The following COBL variants were observed in gnomAD, a reference collection of about 807,000 sequenced individuals.
COBL encodes protein cordon-bleu.
Under a neutral mutation model 98.8 loss-of-function variants are expected in COBL, and 51 were observed. The observed-to-expected ratio is 0.52, with a 90% CI of 0.41 to 0.65. COBL has a LOEUF of 0.65. Ranked by LOEUF, COBL falls within the 30% of genes least tolerant of loss-of-function variation. The probability of loss-of-function intolerance (pLI) is 0.00; values close to 1 mark genes in which losing one functional copy is unlikely to be tolerated. For synonymous variants in COBL, 634 were observed against 651.7 expected, an observed-to-expected ratio of 0.97 and a Z score of 0.41; for missense variants, 1,617 against 1,617.5, an observed-to-expected ratio of 1.00 and a Z score of 0.01.
Position 51,028,681 on chromosome 7 carries a change from G to A in COBL, c.2415C>T (p.Ser805=). The A allele has an allele frequency of 6.2e-7, 1 of 1,613,204 alleles. No homozygotes were observed. The highest frequency in any genetic ancestry group is 8.5e-7 in the Non-Finnish European group (1 of 1,179,546). ...PVPTQTQNPE[S]RLQADPKPIS... is the part of the protein sequence containing the mutation. ...TTGGCTTGGGGTCTGCTTGGAGTCT[G>A]CTCTCTGGATTCTGCGTCTGCGTGG... The change falls in exon 10 of 13, where the codon AGC becomes AGT. Residue 805 remains serine, a synonymous_variant. Transcript: ENST00000265136.
Position 51,219,897 on chromosome 7 carries a change from G to A in COBL, c.89C>T (p.Thr30Ile). 1 of 1,612,642 alleles carries A rather than the reference G, an allele frequency of 6.2e-7. No homozygotes were observed. The highest frequency in any genetic ancestry group is 1.1e-5 in the South Asian group (1 of 91,034). The change falls in exon 2 of 13, where the codon ACT (threonine) becomes ATT (isoleucine). Residue 30 changes from threonine to isoleucine, a missense_variant. Transcript: ENST00000265136. The part of the protein sequence containing the change: ...RAPPPPGKAA[T>I]LHVHSDQKPP... The stretch of plus-strand genomic sequence containing the variant: ...CTTCTGGTCACTGTGCACATGCAGA[G>A]TGGCAGCCTTTCCAGGAGGTGGGGG...
At chr7:51,275,105 AG>A (rs777650024) in intron 1 of COBL, among the ~76,000 whole-genome samples, 1 of 152,188 alleles carries the variant, frequency 6.6e-6, no homozygotes, top group Non-Finnish European at 1.5e-5. Flanking sequence ...GGAGAGGCTC[AG>A]GACAGGTGAG....
chr7:51,264,823 T>C (rs1047935505), intron 1 of COBL, among the ~76,000 whole-genome samples: 1 of 151,794 alleles, frequency 6.6e-6, no homozygotes, highest in Non-Finnish European at 1.5e-5. Flanking sequence ...CATGTTGGAG[T>C]GTACACCAAA....
chr7:51,190,356 G>T (rs1228042648), intron 4 of COBL, among the ~76,000 whole-genome samples: 1 of 152,058 alleles, frequency 6.6e-6, no homozygotes, highest in African/African-American at 2.4e-5. Flanking sequence ...CTACAGGAAT[G>T]GGGATGCACC....
chr7:51,027,172 C>T (rs1787660035), intron 10 of COBL, among the ~76,000 whole-genome samples: 1 of 152,160 alleles, frequency 6.6e-6, no homozygotes, highest in South Asian at 2.1e-4. Context: ...GTTTCATCTG[C>T]AAAATGGAAG....
At chr7:51,079,109 G>A (rs1383616610) in intron 7 of COBL, among the ~76,000 whole-genome samples, 2 of 152,194 alleles carry the variant, frequency 1.3e-5, no homozygotes, top group Non-Finnish European at 1.5e-5. Context: ...GTGAACACAG[G>A]AGGTGGGGAT....
intron 5 of COBL, among the ~76,000 whole-genome samples, chr7:51,178,292 G>C (rs1478446382): frequency 6.6e-6 from 1 of 151,992 alleles, no homozygotes; most frequent in Non-Finnish European, 1.5e-5. Flanking sequence ...ATACAAAAAT[G>C]ATAGATAAAA....
chr7:51,208,415 C>T (rs1415696101), intron 2 of COBL, among the ~76,000 whole-genome samples: 2 of 123,048 alleles, frequency 1.6e-5, no homozygotes, highest in African/African-American at 5.5e-5. Context: ...GCCCGGCCAG[C>T]CGCCCCGTCC....
At chr7:51,142,727 A>G (rs146485570) in intron 5 of COBL, among the ~76,000 whole-genome samples, 202 of 152,314 alleles carry the variant, frequency 1.3e-3, no homozygotes, top group African/African-American at 4.2e-3. Context: ...ACATGATTGA[A>G]GGTGAGCTAT....
chr7:51,029,186 T>C lies in COBL; in HGVS notation c.1910A>G (p.Asn637Ser). The C allele has an allele frequency of 1.9e-6, 3 of 1,614,182 alleles. No homozygotes were observed. Among genetic ancestry groups the C allele is most frequent in the Non-Finnish European group, 1.7e-6 (2 of 1,180,020 alleles). The stretch of plus-strand genomic sequence containing the variant: ...TGCATTTAGGTTGTCTGTGTGAAGA[T>C]TCGAAGCAAAAGAAGTCACCCTGGG... ...TAPRVTSFAS[N>S]LHTDNLNAKV... The change falls in exon 10 of 13, where the codon AAT (asparagine) becomes AGT (serine). Residue 637 changes from asparagine to serine, a missense_variant. Asn to Ser is a conservative substitution (Grantham distance 46). Around this residue, in one of 3 missense-constraint regions of COBL, gnomAD observed 1,304 missense variants for 1,282.0 expected, o/e 1.02. Coordinates refer to ENST00000265136, the MANE Select transcript of COBL (RefSeq NM_015198.5).
At chr7:51,117,924 CAGTTCA>C (rs1007150180) in intron 6 of COBL, among the ~76,000 whole-genome samples, 2 of 152,172 alleles carry the variant, frequency 1.3e-5, no homozygotes, top group African/African-American at 4.8e-5. Flanking sequence ...AATCAAATCT[CAGTTCA>C]GCTCTTTAGT....
At chr7:51,247,481 A>G (rs980830320) in intron 1 of COBL, among the ~76,000 whole-genome samples, 2 of 152,160 alleles carry the variant, frequency 1.3e-5, no homozygotes, top group African/African-American at 4.8e-5. Flanking sequence ...CTTCAAGACA[A>G]CTGGTTGGAT....
In COBL at chr7:51,061,939, C is replaced by T. The variant is rs1308579094; in HGVS notation, c.1097-18247G>A. ...CCATCCCTATAAAAAAAAATCTCTCCCCACCATAGATACACACACACACAC... is the reference window on the plus strand; with the variant it reads ...CCATCCCTATAAAAAAAAATCTCTCTCCACCATAGATACACACACACACAC... On this transcript the variant is annotated intron_variant, in intron 7 of 12. Coordinates refer to ENST00000265136, the MANE Select transcript of COBL (RefSeq NM_015198.5). 5.0e-5 allele frequency among the ~76,000 whole-genome samples: 3 copies of T among 60,288 alleles called. No homozygotes were observed. In the Admixed American group the frequency reaches 6.3e-4, roughly 13 times the overall value. The allele number at this position is 60,288 out of a possible 152,430, so 39.6% of individuals were successfully genotyped here. A position where few individuals can be genotyped will look rare whatever the true frequency, so the allele number is the denominator to read the frequency against.
chr7:51,198,106 G>A (rs1364201453), intron 2 of COBL, among the ~76,000 whole-genome samples: 1 of 152,146 alleles, frequency 6.6e-6, no homozygotes, highest in Non-Finnish European at 1.5e-5. Flanking sequence ...GCTTTATAGT[G>A]TCAGTAGTCT....
chr7:51,240,996 C>T (rs1393200336), intron 1 of COBL, among the ~76,000 whole-genome samples: 1 of 152,178 alleles, frequency 6.6e-6, no homozygotes, highest in Non-Finnish European at 1.5e-5. Context: ...TGGGCCTTGC[C>T]ACCCACCCAC....
chr7:51,275,031 T>A (rs1452789363), intron 1 of COBL, among the ~76,000 whole-genome samples: 1 of 152,236 alleles, frequency 6.6e-6, no homozygotes, highest in Non-Finnish European at 1.5e-5. Context: ...CTTTGCTGCC[T>A]GAACCTCCAT....
intron 11 of COBL, among the ~76,000 whole-genome samples, chr7:51,026,336 C>T (rs976087234): frequency 1.3e-5 from 2 of 152,226 alleles, no homozygotes; most frequent in African/African-American, 4.8e-5. Flanking sequence ...TCTGGAAGCT[C>T]TTGCTGCTCC....
At chr7:51,133,454 G>A (rs1798936481) in intron 6 of COBL, among the ~76,000 whole-genome samples, 1 of 152,168 alleles carries the variant, frequency 6.6e-6, no homozygotes, top group Non-Finnish European at 1.5e-5. Flanking sequence ...GCTATGAAGG[G>A]GTGGTTCTCA....
intron 5 of COBL, among the ~76,000 whole-genome samples, chr7:51,137,941 T>C (rs79975540): frequency 0.15 from 23,128 of 152,230 alleles, 2,317 homozygotes; most frequent in Middle Eastern, 0.22. Context: ...TATTAAACAA[T>C]AGCCCAGTAT....
Sources: gnomAD v4.1 joint callset for allele counts (sites outside exome capture counted in the v4.1 genomes callset) on GRCh38, gnomAD v4.1.1 for gene constraint, gnomAD v4.1.1 regional missense constraint, MANE v1.5 for transcripts, NCBI Gene and HGNC (gene_info 2026-07-23, HGNC 2026-07-21) for gene names.